Variants in PTPRD observed in about 807,000 individuals in gnomAD.
PTPRD encodes the protein protein tyrosine phosphatase receptor type D, also known as receptor-type tyrosine-protein phosphatase delta.
Under a neutral mutation model 214.5 loss-of-function variants are expected in PTPRD, and 34 were observed. That is an observed-to-expected ratio of 0.16 (90% CI 0.12 to 0.21). PTPRD has a LOEUF of 0.21. PTPRD is among the 10% of genes least tolerant of loss of function. The probability of loss-of-function intolerance (pLI) is 1.00; values close to 1 mark genes in which losing one functional copy is unlikely to be tolerated. For synonymous variants in PTPRD, 1,128 were observed against 845.7 expected (o/e 1.33, Z -5.79); for missense variants, 2,545 against 2,398.7 (o/e 1.06, Z -1.27).
chr9:10,602,306 C>T lies in PTPRD; in HGVS notation c.-600+10092G>A, dbSNP rs546225851. ...TTCTGATAATTTCATATAACAAAGA[C>T]GTTTCTCTTGTCCTTTCAAAATTAG... On this transcript the variant is annotated intron_variant, in intron 2 of 45. Coordinates refer to ENST00000381196, the MANE Select transcript of PTPRD (RefSeq NM_002839.4). Among the ~76,000 whole-genome samples, 334 of 151,824 alleles carry T rather than the reference C, an allele frequency of 2.2e-3. 1 individual carries two copies. Among genetic ancestry groups the T allele is most frequent in the African/African-American group, 7.5e-3 (312 of 41,462 alleles).
intron 12 of PTPRD, among the ~76,000 whole-genome samples, chr9:8,653,306 AG>A (rs2096848837): frequency 1.3e-5 from 2 of 152,218 alleles, no homozygotes; most frequent in Admixed American, 1.3e-4. Context: ...AGTAAACTAC[AG>A]GGAAAGACAA....
intron 9 of PTPRD, among the ~76,000 whole-genome samples, chr9:9,368,698 T>C (rs1363541744): frequency 6.6e-6 from 1 of 151,850 alleles, no homozygotes; most frequent in Non-Finnish European, 1.5e-5. Flanking sequence ...GAACCTAGGG[T>C]AGGAAAAATA....
intron 4 of PTPRD, among the ~76,000 whole-genome samples, chr9:9,969,898 G>A (rs1204236300): frequency 6.6e-6 from 1 of 152,040 alleles, no homozygotes; most frequent in Non-Finnish European, 1.5e-5. Context: ...TTTTTCTCCT[G>A]GCCTCTGGCA....
chr9:10,294,167 C>A (rs1245938928), intron 3 of PTPRD, among the ~76,000 whole-genome samples: 2 of 151,796 alleles, frequency 1.3e-5, no homozygotes, highest in African/African-American at 4.8e-5. Context: ...GTAAACACTG[C>A]CCAAAAACCT....
At chr9:9,334,882 G>A (rs537533363) in intron 9 of PTPRD, among the ~76,000 whole-genome samples, 1 of 151,932 alleles carries the variant, frequency 6.6e-6, no homozygotes, top group African/African-American at 2.4e-5. Flanking sequence ...AACATTAGAT[G>A]CTTACCAATA....
At chr9:8,523,138 C>G (rs536262502) in intron 19 of PTPRD, among the ~76,000 whole-genome samples, 1 of 152,018 alleles carries the variant, frequency 6.6e-6, no homozygotes, top group Non-Finnish European at 1.5e-5. Flanking sequence ...AGTCTTCATG[C>G]TTGGGATTAG....
chr9:9,098,396 A>G (rs1330542368), intron 10 of PTPRD, among the ~76,000 whole-genome samples: 2 of 152,024 alleles, frequency 1.3e-5, no homozygotes, highest in African/African-American at 4.8e-5. Flanking sequence ...AGCTGGGACT[A>G]CAGGCATGCA....
chr9:8,402,929 G>T (rs1415671915), intron 36 of PTPRD, among the ~76,000 whole-genome samples: 1 of 151,896 alleles, frequency 6.6e-6, no homozygotes, highest in Non-Finnish European at 1.5e-5. Flanking sequence ...CTAGAAAAGG[G>T]ATTATAGTAT....
intron 9 of PTPRD, among the ~76,000 whole-genome samples, chr9:9,381,916 A>T (rs1227003405): frequency 6.7e-6 from 1 of 148,828 alleles, no homozygotes; most frequent in Non-Finnish European, 1.5e-5. Flanking sequence ...AAAAAAAAAA[A>T]AATCATTGGG....
intron 3 of PTPRD, among the ~76,000 whole-genome samples, chr9:10,202,455 G>A (rs1594055919): frequency 1.3e-5 from 2 of 149,646 alleles, no homozygotes; most frequent in African/African-American, 2.5e-5. Flanking sequence ...TACAGGGCTG[G>A]CATTAGAAAG....
intron 12 of PTPRD, among the ~76,000 whole-genome samples, chr9:8,650,121 T>C (rs903642883): frequency 6.6e-6 from 1 of 152,124 alleles, no homozygotes; most frequent in African/African-American, 2.4e-5. Flanking sequence ...TCTAGCTATG[T>C]TGCTCAGACT....
intron 11 of PTPRD, among the ~76,000 whole-genome samples, chr9:8,800,044 T>C (rs2096540153): frequency 6.6e-6 from 1 of 151,926 alleles, no homozygotes; most frequent in Non-Finnish European, 1.5e-5. Flanking sequence ...ACAAAAAGTA[T>C]ACAAGCATAG....
At chr9:9,476,906 TG>T (rs2095086433) in intron 8 of PTPRD, among the ~76,000 whole-genome samples, 1 of 151,964 alleles carries the variant, frequency 6.6e-6, no homozygotes, top group Admixed American at 6.5e-5. Flanking sequence ...TGACTAATTT[TG>T]TATTTTCAGT....
intron 2 of PTPRD, among the ~76,000 whole-genome samples, chr9:10,492,449 C>A (rs753505962): frequency 5.3e-5 from 8 of 152,196 alleles, no homozygotes; most frequent in Non-Finnish European, 1.2e-4. Context: ...TGATTTGCAT[C>A]TCTCTGGTGA....
In PTPRD at chr9:8,990,670, G is replaced by A. The variant is rs149224403; in HGVS notation, c.-104+28027C>T. Among the ~76,000 whole-genome samples the A allele has an allele frequency of 2.0e-5, 3 of 152,208 alleles. No homozygotes were observed. In the East Asian group the frequency reaches 5.8e-4, roughly 29 times the overall value. ...AAAAATATTATTCTCGCCTTCCCCT[G>A]CCTTTCTGTGTAGGAGATGGCCATA... On this transcript the variant is annotated intron_variant, in intron 11 of 45. Coordinates refer to ENST00000381196, the MANE Select transcript of PTPRD (RefSeq NM_002839.4).
At chr9:10,283,867 G>T (rs1201368267) in intron 3 of PTPRD, among the ~76,000 whole-genome samples, 2 of 152,106 alleles carry the variant, frequency 1.3e-5, no homozygotes, top group Non-Finnish European at 2.9e-5. Context: ...ACTGGTTAGG[G>T]TCAGTGTGAC....
At chr9:9,207,891 AACTC>A (rs2099945865) in intron 9 of PTPRD, among the ~76,000 whole-genome samples, 1 of 152,062 alleles carries the variant, frequency 6.6e-6, no homozygotes, top group Admixed American at 6.6e-5. Context: ...AATGAGAAAT[AACTC>A]TATATACTTC....
At chr9:9,339,106 G>C (rs892767644) in intron 9 of PTPRD, among the ~76,000 whole-genome samples, 2 of 152,006 alleles carry the variant, frequency 1.3e-5, no homozygotes, top group Non-Finnish European at 2.9e-5. Flanking sequence ...CTTCTCCATA[G>C]GCATGAACAA....
At chr9:8,463,120 G>A (rs1176443929) in intron 32 of PTPRD, among the ~76,000 whole-genome samples, 12 of 151,650 alleles carry the variant, frequency 7.9e-5, no homozygotes. Context: ...CATCTATTCT[G>A]AATTTAAGTA....
Sources: gnomAD v4.1 joint callset for allele counts (sites outside exome capture counted in the v4.1 genomes callset) on GRCh38, gnomAD v4.1.1 for gene constraint, MANE v1.5 for transcripts, NCBI Gene and HGNC (gene_info 2026-07-23, HGNC 2026-07-21) for gene names.